SLC24A2: variants seen among roughly 807,000 people sequenced by gnomAD.
SLC24A2 encodes the protein sodium/potassium/calcium exchanger 2.
Under a neutral mutation model 62.0 loss-of-function variants are expected in SLC24A2, and 36 were observed. The ratio of observed to expected loss-of-function variants is 0.58; its 90% confidence interval spans 0.44 to 0.77. SLC24A2 has a LOEUF of 0.77. SLC24A2 is among the 30% of genes least tolerant of loss of function. The pLI is 0.00. For synonymous variants in SLC24A2, 358 were observed against 294.0 expected (o/e 1.22, Z -2.23); for missense variants, 846 against 817.9 (o/e 1.03, Z -0.42).
the SLC24A2 span, among the ~76,000 whole-genome samples, chr9:20,173,002 T>C: frequency 6.6e-6 from 1 of 152,132 alleles, no homozygotes; most frequent in African/African-American, 2.4e-5. Context: ...GTGGGTTTCA[T>C]ACCAGGGTTG....
the SLC24A2 span, among the ~76,000 whole-genome samples, chr9:20,077,029 G>T: frequency 1.3e-5 from 2 of 151,106 alleles, no homozygotes; most frequent in Non-Finnish European, 2.9e-5. Context: ...TTCAGCTAAT[G>T]AAATAAACCA....
rs1353683727 is a variant in SLC24A2 at position 19,634,293 on chromosome 9, T to TA, written c.931-11995_931-11994insT. Among the ~76,000 whole-genome samples the TA allele has an allele frequency of 2.0e-3, 293 of 146,520 alleles. 2 individuals are homozygous for TA. Among genetic ancestry groups the TA allele is most frequent in the African/African-American group, 7.1e-3 (283 of 39,878 alleles). On this transcript the variant is annotated intron_variant, in intron 2 of 10. Coordinates refer to ENST00000341998, the MANE Select transcript of SLC24A2 (RefSeq NM_020344.4). ...GAAACTGCAGCCTCTTTTTTTTTTT[T>TA]TTTTTTTTTTTTGAGACAGAGTTTT...
chr9:20,193,423 G>A, the SLC24A2 span, among the ~76,000 whole-genome samples: 1 of 151,932 alleles, frequency 6.6e-6, no homozygotes, highest in Non-Finnish European at 1.5e-5. Context: ...AAACTTGAAA[G>A]CTCACACCAC....
chr9:20,259,205 A>T, the SLC24A2 span, among the ~76,000 whole-genome samples: 2 of 152,196 alleles, frequency 1.3e-5, no homozygotes, highest in African/African-American at 2.4e-5. Context: ...CGCCCTGCTG[A>T]TACCTTGATT....
intron 2 of SLC24A2, among the ~76,000 whole-genome samples, chr9:19,759,885 A>G (rs989544698): frequency 3.9e-5 from 6 of 152,182 alleles, no homozygotes; most frequent in African/African-American, 1.2e-4. Context: ...ACACCCTGCT[A>G]TATCCTTTTG....
the SLC24A2 span, among the ~76,000 whole-genome samples, chr9:20,302,527 T>A: frequency 6.6e-6 from 1 of 152,230 alleles, no homozygotes; most frequent in Non-Finnish European, 1.5e-5. Flanking sequence ...CTGTATATCT[T>A]ATGTGGTGAG....
the SLC24A2 span, among the ~76,000 whole-genome samples, chr9:19,917,668 T>TA: frequency 6.6e-6 from 1 of 152,114 alleles, no homozygotes; most frequent in Non-Finnish European, 1.5e-5. Context: ...CTTTTCTACT[T>TA]AAAACGTATT....
intron 7 of SLC24A2, among the ~76,000 whole-genome samples, chr9:19,563,387 A>G (rs1835498409): frequency 8.4e-6 from 1 of 118,470 alleles, no homozygotes; most frequent in South Asian, 2.2e-4. Context: ...TTACCCCTTA[A>G]TTAATTATTT....
At chr9:19,558,717 A>C (rs1207416637) in intron 7 of SLC24A2, among the ~76,000 whole-genome samples, 1 of 152,250 alleles carries the variant, frequency 6.6e-6, no homozygotes, top group Non-Finnish European at 1.5e-5. Context: ...AATATGCACA[A>C]CAAAAACAGC....
chr9:19,719,229 A>G (rs761037972), intron 2 of SLC24A2, among the ~76,000 whole-genome samples: 1 of 152,208 alleles, frequency 6.6e-6, no homozygotes, highest in Non-Finnish European at 1.5e-5. Context: ...AGCTTTGGGT[A>G]GGAGCATCTC....
chr9:19,646,400 A>AG (rs1408730681), intron 2 of SLC24A2, among the ~76,000 whole-genome samples: 1 of 152,208 alleles, frequency 6.6e-6, no homozygotes, highest in Non-Finnish European at 1.5e-5. Flanking sequence ...AGCAGCATGC[A>AG]GGGGGCTGTC....
the SLC24A2 span, among the ~76,000 whole-genome samples, chr9:20,298,470 C>T: frequency 1.1e-4 from 16 of 152,300 alleles, no homozygotes; most frequent in East Asian, 7.7e-4. Context: ...CTCAGGTGAT[C>T]GGCCTGCCTC....
chr9:19,516,790 G>C lies in SLC24A2; in HGVS notation c.1737-388C>G, dbSNP rs144236897. 3.0e-3 allele frequency among the ~76,000 whole-genome samples: 453 copies of C among 152,004 alleles called. 1 individual carries two copies. The Middle Eastern group carries it at 0.037, about 13-fold the overall frequency. On this transcript the variant is annotated intron_variant, in intron 10 of 10. Transcript: ENST00000341998. ...TTGCACAGGGTGAAGGGAGCAGGCA[G>C]GTGCAAAAAAGGCACAGAAATGAGT... is the stretch of plus-strand genomic sequence containing the variant.
chr9:20,105,792 A>G, the SLC24A2 span, among the ~76,000 whole-genome samples: 2 of 152,038 alleles, frequency 1.3e-5, no homozygotes, highest in South Asian at 4.2e-4. Context: ...AAAAGAACTA[A>G]AAAGCAAGAG....
At chr9:19,833,054 C>A in the SLC24A2 span, among the ~76,000 whole-genome samples, 2 of 152,160 alleles carry the variant, frequency 1.3e-5, no homozygotes, top group African/African-American at 4.8e-5. Context: ...CCATCTCACA[C>A]CAGTTAGAAT....
the SLC24A2 span, among the ~76,000 whole-genome samples, chr9:20,149,626 A>C: frequency 6.6e-6 from 1 of 152,096 alleles, no homozygotes; most frequent in Admixed American, 6.6e-5. Flanking sequence ...TGTTCTAATA[A>C]AATATTTTAT....
the SLC24A2 span, among the ~76,000 whole-genome samples, chr9:20,134,059 T>C: frequency 6.6e-6 from 1 of 152,232 alleles, no homozygotes; most frequent in East Asian, 1.9e-4. Flanking sequence ...AACCCAACGA[T>C]GTACACATAG....
chr9:19,699,692 A>G (rs1008823013), intron 2 of SLC24A2, among the ~76,000 whole-genome samples: 1 of 152,196 alleles, frequency 6.6e-6, no homozygotes, highest in Non-Finnish European at 1.5e-5. Flanking sequence ...TATCAAATTA[A>G]TACTTGTGAT....
At chr9:19,933,062 G>A in the SLC24A2 span, among the ~76,000 whole-genome samples, 2 of 152,250 alleles carry the variant, frequency 1.3e-5, no homozygotes, top group Non-Finnish European at 2.9e-5. Context: ...GCTGCGGGGA[G>A]GATGGACTTG....
Sources: allele counts gnomAD v4.1 joint callset (sites outside exome capture counted in the v4.1 genomes callset), GRCh38; gene constraint gnomAD v4.1.1; transcripts MANE v1.5; gene names NCBI Gene and HGNC (gene_info 2026-07-23, HGNC 2026-07-21).